Variants in KCNK10 observed in about 807,000 individuals in gnomAD.
The protein encoded by KCNK10 is potassium two pore domain channel subfamily K member 10, also known as potassium channel subfamily K member 10.
Under a neutral mutation model 47.7 loss-of-function variants are expected in KCNK10, and 25 were observed. The ratio of observed to expected loss-of-function variants is 0.52; its 90% confidence interval spans 0.38 to 0.73. KCNK10 has a LOEUF of 0.73. Among genes scored for constraint, KCNK10 ranks in the 30% least tolerant of loss-of-function variants. KCNK10 has a pLI of 0.00. For missense variants in KCNK10, 563 were observed against 714.5 expected (o/e 0.79, Z 2.42); for synonymous variants, 303 against 285.6 (o/e 1.06, Z -0.61).
intron 4 of KCNK10, among the ~76,000 whole-genome samples, chr14:88,218,282 G>C (rs1885689275): frequency 5.3e-5 from 8 of 152,220 alleles, no homozygotes; most frequent in Admixed American, 5.2e-4. Flanking sequence ...ATCCATGCCA[G>C]GCACATGGCA....
chr14:88,247,141 C>T (rs968274231), intron 2 of KCNK10, among the ~76,000 whole-genome samples: 5 of 152,178 alleles, frequency 3.3e-5, no homozygotes, highest in East Asian at 3.9e-4. Flanking sequence ...TCTGCAAAGG[C>T]GCTTCTCTCT....
chr14:88,252,401 A>G (rs183672296), intron 2 of KCNK10, among the ~76,000 whole-genome samples: 27 of 152,322 alleles, frequency 1.8e-4, no homozygotes, highest in African/African-American at 6.5e-4. Context: ...GAAAGAATGA[A>G]TAAGTGAGTG....
chr14:88,307,327 TCACACA>T (rs112756986), intron 1 of KCNK10, among the ~76,000 whole-genome samples: 9 of 148,962 alleles, frequency 6.0e-5, no homozygotes, highest in Non-Finnish European at 1.2e-4. Context: ...AAGAAGCTGA[TCACACA>T]CACACACACA....
At chr14:88,240,668 T>G (rs1377602979) in intron 3 of KCNK10, 35 bp downstream of exon 3, 1 of 1,360,738 alleles carries the variant, frequency 7.3e-7, no homozygotes, top group Admixed American at 1.7e-5. Flanking sequence ...CAAGATGACC[T>G]GCAGAGGAAG....
chr14:88,262,398 C>T (rs1189991764), intron 2 of KCNK10, among the ~76,000 whole-genome samples: 1 of 152,168 alleles, frequency 6.6e-6, no homozygotes. Flanking sequence ...CTGCTTTTCT[C>T]TCTGGCTTCT....
chr14:88,306,492 C>A (rs1392618206), intron 1 of KCNK10, among the ~76,000 whole-genome samples: 1 of 152,122 alleles, frequency 6.6e-6, no homozygotes, highest in Admixed American at 6.5e-5. Context: ...ATTTGTACTT[C>A]ATAGGATGTG....
At chr14:88,207,373 A>T (rs1174420696) in intron 4 of KCNK10, among the ~76,000 whole-genome samples, 1 of 151,862 alleles carries the variant, frequency 6.6e-6, no homozygotes, top group Non-Finnish European at 1.5e-5. Context: ...ACGGGGTTTC[A>T]CCATGTTAGC....
At chr14:88,193,971 C>T (rs1399013395) in intron 4 of KCNK10, among the ~76,000 whole-genome samples, 2 of 152,174 alleles carry the variant, frequency 1.3e-5, no homozygotes, top group Non-Finnish European at 2.9e-5. Context: ...ACCGGGTGAT[C>T]TGTCCAGGAA....
intron 2 of KCNK10, among the ~76,000 whole-genome samples, chr14:88,253,090 G>C (rs1257977565): frequency 6.6e-6 from 1 of 152,136 alleles, no homozygotes; most frequent in Non-Finnish European, 1.5e-5. Flanking sequence ...CTGTAAAATG[G>C]GGCAGCAACA....
chr14:88,213,955 T>TTATTACTATTATTAC (rs1555360668), intron 4 of KCNK10, among the ~76,000 whole-genome samples: 1 of 144,358 alleles, frequency 6.9e-6, no homozygotes, highest in Non-Finnish European at 1.5e-5. Context: ...ATTATTATTA[T>TTATTACTATTATTAC]TGAGACAGAG....
chr14:88,220,693 C>T (rs976839627), intron 4 of KCNK10, among the ~76,000 whole-genome samples: 1 of 151,294 alleles, frequency 6.6e-6, no homozygotes, highest in Non-Finnish European at 1.5e-5. Flanking sequence ...AAGCTCACAC[C>T]CTTCACAAAA....
chr14:88,302,685 G>C (rs1164144844), intron 1 of KCNK10, among the ~76,000 whole-genome samples: 4 of 152,098 alleles, frequency 2.6e-5, no homozygotes, highest in Admixed American at 1.3e-4. Flanking sequence ...ACTCCAGCCT[G>C]GGCAACAGAG....
chr14:88,192,464 A>G (rs1884782449), intron 4 of KCNK10, 54 bp from the exon 5 acceptor site: 1 of 1,480,532 alleles, frequency 6.8e-7, no homozygotes, highest in Non-Finnish European at 9.3e-7. Context: ...CCCTGGATTC[A>G]GGATATAGAT....
At chr14:88,291,222 C>T (rs1353477462) in intron 1 of KCNK10, among the ~76,000 whole-genome samples, 1 of 152,160 alleles carries the variant, frequency 6.6e-6, no homozygotes, top group Admixed American at 6.5e-5. Context: ...GAGCACCCCG[C>T]CCCTCGTTCC....
intron 3 of KCNK10, among the ~76,000 whole-genome samples, chr14:88,235,800 C>A (rs534634839): frequency 6.6e-6 from 1 of 152,112 alleles, no homozygotes; most frequent in South Asian, 2.1e-4. Flanking sequence ...AACCACACAG[C>A]AAAGAAAATG....
chr14:88,270,789 T>C (rs1887388390), intron 1 of KCNK10: 1 of 781,030 alleles, frequency 1.3e-6, no homozygotes, highest in Non-Finnish European at 2.4e-6. Flanking sequence ...CCATCCTCCA[T>C]ATACCAGCCA....
intron 2 of KCNK10, among the ~76,000 whole-genome samples, chr14:88,251,811 C>T (rs531398401): frequency 1.3e-5 from 2 of 152,290 alleles, no homozygotes; most frequent in East Asian, 1.9e-4. Flanking sequence ...TTGCTAAATG[C>T]CCTTTGGCCA....
intron 1 of KCNK10, among the ~76,000 whole-genome samples, chr14:88,296,635 A>G (rs1406508273): frequency 6.6e-6 from 1 of 152,208 alleles, no homozygotes; most frequent in African/African-American, 2.4e-5. Context: ...GAAGATGCAT[A>G]GACATGAGGC....
rs984067253 is a variant in KCNK10, at chr14:88,186,694, C to G, written c.1012-539G>C. On this transcript the variant is annotated intron_variant, in intron 6 of 6. Transcript: ENST00000319231. The surrounding 1 kb of genome is among the most constrained non-coding windows in gnomAD (Gnocchi z 5.5). ...GCCTGAGGCTGTCCCAGTTTTAAAA[C>G]AGAGTCCTGTGTCCTAGGAACTCCC... Among the ~76,000 whole-genome samples, 10 of 152,198 alleles carry G rather than the reference C, an allele frequency of 6.6e-5. No individual in the cohort carries two copies.
Sources: allele counts gnomAD v4.1 joint callset (sites outside exome capture counted in the v4.1 genomes callset), GRCh38; gene constraint gnomAD v4.1.1; non-coding constraint Gnocchi (gnomAD v3.1); transcripts MANE v1.5; gene names NCBI Gene and HGNC (gene_info 2026-07-23, HGNC 2026-07-21).